The following SAMD5 variants were observed in gnomAD, a reference collection of about 807,000 sequenced individuals.
SAMD5 encodes the protein sterile alpha motif domain-containing protein 5.
SAMD5 carries 13 observed loss-of-function variants against 11.3 expected under a neutral mutation model. That is an observed-to-expected ratio of 1.15 (90% confidence interval 0.75 to 1.83). SAMD5 has a LOEUF of 1.83. Among genes scored for constraint, SAMD5 ranks in the 40% most tolerant of loss-of-function variants. The pLI is 0.00. For synonymous variants in SAMD5, 129 were observed against 111.3 expected (o/e 1.16, Z -1.00); for missense variants, 255 against 239.1 (o/e 1.07, Z -0.44).
At chr6:147,602,152 T>G (rs1412997463) in intron 1 of SAMD5, among the ~76,000 whole-genome samples, 1 of 152,208 alleles carries the variant, frequency 6.6e-6, no homozygotes, top group East Asian at 1.9e-4. Flanking sequence ...CATAACAACT[T>G]GAGAACTGGT....
intron 1 of SAMD5, among the ~76,000 whole-genome samples, chr6:147,635,861 C>T (rs1452265813): frequency 6.6e-6 from 1 of 152,216 alleles, no homozygotes; most frequent in African/African-American, 2.4e-5. Context: ...CTGAAGGTCA[C>T]TCAAATCAGC....
chr6:147,779,526 C>T, the SAMD5 span, among the ~76,000 whole-genome samples: 23 of 148,862 alleles, frequency 1.5e-4, no homozygotes, highest in South Asian at 2.8e-3. Context: ...GACAGAGTCT[C>T]ACTCTGTCAC....
the SAMD5 span, among the ~76,000 whole-genome samples, chr6:147,943,456 A>C: frequency 4.0e-5 from 6 of 151,524 alleles, no homozygotes; most frequent in Non-Finnish European, 5.9e-5. Context: ...AATCCCCAAA[A>C]CCCACGGCAT....
intron 1 of SAMD5, among the ~76,000 whole-genome samples, chr6:147,604,737 T>A (rs1248485136): frequency 2.6e-5 from 4 of 152,210 alleles, no homozygotes; most frequent in African/African-American, 9.6e-5. Context: ...ATTTACTGAA[T>A]AAATTTACCT....
downstream of SAMD5, among the ~76,000 whole-genome samples, chr6:147,572,775 C>G (rs9403861): frequency 0.01 from 1,545 of 152,206 alleles, 50 homozygotes; most frequent in Admixed American, 0.061. Context: ...TACTGCCAGA[C>G]AAAATACCAA....
At chr6:147,581,425 GGATAA>G (rs1789295658) in intron 1 of SAMD5, among the ~76,000 whole-genome samples, 1 of 152,164 alleles carries the variant, frequency 6.6e-6, no homozygotes, top group Non-Finnish European at 1.5e-5. Flanking sequence ...CCACAGGAAA[GGATAA>G]GATGGCCCAG....
intron 1 of SAMD5, among the ~76,000 whole-genome samples, chr6:147,654,888 G>T (rs12525574): frequency 0.089 from 13,519 of 152,114 alleles, 892 homozygotes; most frequent in East Asian, 0.26. Flanking sequence ...TGAGTCACTA[G>T]AAGCATCTGG....
At chr6:147,883,057 AG>A in the SAMD5 span, among the ~76,000 whole-genome samples, 1 of 152,202 alleles carries the variant, frequency 6.6e-6, no homozygotes, top group African/African-American at 2.4e-5. Context: ...ATTGCTTCCG[AG>A]GGAGAAAACA....
At chr6:147,821,613 A>G in the SAMD5 span, among the ~76,000 whole-genome samples, 1 of 152,204 alleles carries the variant, frequency 6.6e-6, no homozygotes, top group East Asian at 1.9e-4. Flanking sequence ...CAAGTCTGTA[A>G]TCAGTTTGAG....
At chr6:147,644,002 G>C (rs1485097363) in intron 1 of SAMD5, among the ~76,000 whole-genome samples, 14 of 151,694 alleles carry the variant, frequency 9.2e-5, no homozygotes, top group Non-Finnish European at 1.9e-4. Context: ...ATAATGACAA[G>C]TAGGAAAATT....
At chr6:147,623,155 A>G (rs1789997862) in intron 1 of SAMD5, among the ~76,000 whole-genome samples, 2 of 152,184 alleles carry the variant, frequency 1.3e-5, no homozygotes, top group Non-Finnish European at 2.9e-5. Flanking sequence ...GCTCTCTAGG[A>G]TTGTGAAATT....
intron 1 of SAMD5, among the ~76,000 whole-genome samples, chr6:147,512,422 T>A (rs1010540143): frequency 5.3e-5 from 8 of 151,862 alleles, no homozygotes; most frequent in African/African-American, 1.7e-4. Flanking sequence ...ATAGGGAGAG[T>A]GAGTCTCTTA....
intron 1 of SAMD5, among the ~76,000 whole-genome samples, chr6:147,657,091 C>G (rs1312608708): frequency 1.3e-5 from 2 of 152,028 alleles, no homozygotes; most frequent in African/African-American, 2.4e-5. Context: ...ATTTTCACTT[C>G]TATAATAAAG....
chr6:147,654,911 A>T (rs753825862), intron 1 of SAMD5, among the ~76,000 whole-genome samples: 4 of 152,082 alleles, frequency 2.6e-5, no homozygotes, highest in Admixed American at 2.6e-4. Flanking sequence ...CAGCCTGGGG[A>T]TTGGTGGCAG....
the SAMD5 span, among the ~76,000 whole-genome samples, chr6:147,853,550 A>G: frequency 6.6e-6 from 1 of 152,154 alleles, no homozygotes; most frequent in Non-Finnish European, 1.5e-5. Context: ...AGAAGTAGCA[A>G]AGATCCAAAC....
the SAMD5 span, among the ~76,000 whole-genome samples, chr6:147,841,745 A>G: frequency 8.1e-6 from 1 of 123,686 alleles, no homozygotes; most frequent in Non-Finnish European, 1.6e-5. Flanking sequence ...AAAATGGTCC[A>G]AGGAGACTGT....
chr6:147,769,916 A>G, the SAMD5 span, among the ~76,000 whole-genome samples: 1 of 152,220 alleles, frequency 6.6e-6, no homozygotes. Context: ...CAGAGTGTGC[A>G]TGAATCCAGT....
At chr6:147,573,525 C>A (rs7743368), downstream of SAMD5, among the ~76,000 whole-genome samples, 46,660 of 152,034 alleles carry the variant, frequency 0.31, 7,207 homozygotes, top group East Asian at 0.35. Flanking sequence ...ATAGGGATTA[C>A]AATTTGAGAA....
In SAMD5 at chr6:147,566,605, A is replaced by G. The variant is rs1789045597; in HGVS notation, c.*2149A>G. On this transcript the variant is annotated 3_prime_UTR_variant, in exon 2 of 2. Coordinates refer to ENST00000367474, the MANE Select transcript of SAMD5 (RefSeq NM_001030060.3). ...AAGTTTTATTTTCTATTAGAGTAAT[A>G]TCTAACTTCAATTATTTTGCCAGGT... 1.0e-6 allele frequency: 1 copy of G among 979,596 alleles called. No homozygotes were observed. The highest frequency in any genetic ancestry group is 1.2e-6 in the Non-Finnish European group (1 of 824,368). 60.7% of individuals were successfully genotyped at this position (979,596 alleles called of 1,614,324 possible).
Sources: gnomAD v4.1 joint callset for allele counts (sites outside exome capture counted in the v4.1 genomes callset) on GRCh38, gnomAD v4.1.1 for gene constraint, MANE v1.5 for transcripts, NCBI Gene and HGNC (gene_info 2026-07-23, HGNC 2026-07-21) for gene names.